The following WNT3A variants were observed in gnomAD, a reference collection of about 807,000 sequenced individuals.
The protein encoded by WNT3A is Wnt family member 3A.
WNT3A carries 17 observed loss-of-function variants against 37.0 expected under a neutral mutation model. That is an observed-to-expected ratio of 0.46 (90% confidence interval 0.31 to 0.69). The LOEUF is 0.69. Among genes scored for constraint, WNT3A ranks in the 30% least tolerant of loss-of-function variants. WNT3A has a pLI of 0.05. For missense variants in WNT3A, 411 were observed against 510.2 expected (o/e 0.81, Z 1.87); for synonymous variants, 187 against 211.0 (o/e 0.89, Z 0.99).
In WNT3A at chr1:228,059,432, C is replaced by A; in HGVS notation, c.1026C>A (p.Cys342Ter). The stretch of plus-strand genomic sequence containing the variant: ...GCTGCTACGTCAGCTGCCAGGAGTG[C>A]ACGCGCGTCTACGACGTGCACACCT... Reference protein sequence around the residue: ...HWCCYVSCQECTRVYDVHTCK With the variant: ...HWCCYVSCQE Residue 342 changes from cysteine to a stop codon, truncating the protein, a stop_gained, in exon 4 of 4, where the codon TGC (cysteine) becomes TGA (stop). Transcript: ENST00000284523. LOFTEE classifies it high-confidence loss of function. 2 of 1,537,028 alleles carry A rather than the reference C, an allele frequency of 1.3e-6. No individual in the cohort carries two copies.
intron 2 of WNT3A, among the ~76,000 whole-genome samples, chr1:228,025,520 T>C (rs2030832359): frequency 6.6e-6 from 1 of 152,100 alleles, no homozygotes; most frequent in Non-Finnish European, 1.5e-5. Context: ...TCCCAGTGTT[T>C]GTATTTTTTG....
chr1:228,018,601 A>G (rs1446910596), intron 1 of WNT3A, among the ~76,000 whole-genome samples: 1 of 152,168 alleles, frequency 6.6e-6, no homozygotes, highest in African/African-American at 2.4e-5. Flanking sequence ...TCTGTTGCCC[A>G]GATTGGTCTT....
At chr1:228,051,897 G>A (rs529126071) in intron 3 of WNT3A, among the ~76,000 whole-genome samples, 13 of 152,216 alleles carry the variant, frequency 8.5e-5, no homozygotes, top group South Asian at 6.2e-4. Flanking sequence ...AGGTCGCCAC[G>A]CACAGATCTT....
chr1:228,050,987 T>C lies in WNT3A; in HGVS notation c.579+66T>C. ...CTCCTCAGCAGGGTGTGTGCCCTGG[T>C]TCCTTGGGGCATATGGCCCGGTGAG... On this transcript the variant is annotated intron_variant, in intron 3 of 3. Coordinates refer to ENST00000284523, the MANE Select transcript of WNT3A (RefSeq NM_033131.4). The surrounding 1 kb of genome is among the most constrained non-coding windows in gnomAD (Gnocchi z 5.0). 1 of 1,457,896 alleles carries C rather than the reference T, an allele frequency of 6.9e-7. No homozygotes were observed. Among genetic ancestry groups the C allele is most frequent in the East Asian group, 2.4e-5 (1 of 41,210 alleles). 90.3% of individuals were successfully genotyped at this position (1,457,896 alleles called of 1,614,324 possible).
At chr1:228,041,092 A>G (rs137944139) in intron 2 of WNT3A, among the ~76,000 whole-genome samples, 4 of 151,610 alleles carry the variant, frequency 2.6e-5, no homozygotes, top group East Asian at 3.9e-4. Context: ...TCTCAACAAA[A>G]TAAAAGCACT....
rs2031318683 is a variant in WNT3A, at chr1:228,042,824, TGATG to T, written c.314-7823_314-7820del. Among the ~76,000 whole-genome samples the T allele has an allele frequency of 6.7e-6, 1 of 150,364 alleles. No individual in the cohort carries two copies. Among genetic ancestry groups the T allele is most frequent in the Non-Finnish European group, 1.5e-5 (1 of 67,558 alleles). On this transcript the variant is annotated intron_variant, in intron 2 of 3. Transcript: ENST00000284523. This position sits in a 1 kb window ranked among gnomAD's most constrained non-coding sequence, Gnocchi z 5.2. ...GGATGATGGATGGATGGATAATGGA[TGATG>T]GATGGATGTGGATGACAGATGATGG... is the stretch of plus-strand genomic sequence containing the variant.
chr1:228,010,073 A>G (rs2030325053), intron 1 of WNT3A, among the ~76,000 whole-genome samples: 1 of 152,182 alleles, frequency 6.6e-6, no homozygotes, highest in Non-Finnish European at 1.5e-5. Context: ...GACGGCAGGA[A>G]CCTAGTGGCC....
intron 1 of WNT3A, among the ~76,000 whole-genome samples, chr1:228,015,817 G>C (rs1369967302): frequency 6.6e-6 from 1 of 151,834 alleles, no homozygotes; most frequent in Non-Finnish European, 1.5e-5. Context: ...TACAAAGCGT[G>C]GGAGAGGTCG....
chr1:228,041,485 C>T (rs1326071426), intron 2 of WNT3A, among the ~76,000 whole-genome samples: 2 of 151,888 alleles, frequency 1.3e-5, no homozygotes, highest in Non-Finnish European at 2.9e-5. Flanking sequence ...GTCAATCTGC[C>T]ATCCATCAAT....
rs1402498504 is a variant in WNT3A at position 228,039,890 on chromosome 1, C to T, written c.314-10766C>T. Among the ~76,000 whole-genome samples the T allele has an allele frequency of 6.6e-6, 1 of 152,200 alleles. No individual in the cohort carries two copies. The highest frequency in any genetic ancestry group is 6.5e-5 in the Admixed American group (1 of 15,292). ...CGCATTTAACAACAATCCCCACCCC[C>T]TGACCCAGAACTTTCCCTCCTTCAA... is the stretch of plus-strand genomic sequence containing the variant. On this transcript the variant is annotated intron_variant, in intron 2 of 3. Coordinates refer to ENST00000284523, the MANE Select transcript of WNT3A (RefSeq NM_033131.4). This position sits in a 1 kb window ranked among gnomAD's most constrained non-coding sequence, Gnocchi z 4.1.
rs1305559872 is a variant in WNT3A at position 228,037,280 on chromosome 1, C to T, written c.314-13376C>T. Among the ~76,000 whole-genome samples the T allele has an allele frequency of 6.6e-6, 1 of 152,122 alleles. No homozygotes were observed. The highest frequency in any genetic ancestry group is 1.5e-5 in the Non-Finnish European group (1 of 68,002). ...CTATTCTGTGAACCCCAGGGTATCC[C>T]CACTCAAAGCACACGGCCAGATTCC... is the stretch of plus-strand genomic sequence containing the variant. On this transcript the variant is annotated intron_variant, in intron 2 of 3. Coordinates refer to ENST00000284523, the MANE Select transcript of WNT3A (RefSeq NM_033131.4). The surrounding 1 kb of genome is among the most constrained non-coding windows in gnomAD (Gnocchi z 4.1).
chr1:228,021,083 T>C (rs1320838848), intron 1 of WNT3A, among the ~76,000 whole-genome samples: 1 of 152,164 alleles, frequency 6.6e-6, no homozygotes. Flanking sequence ...CATGGCTCAA[T>C]TCGTTCTGAC....
intron 1 of WNT3A, among the ~76,000 whole-genome samples, chr1:228,016,125 G>A (rs2030525448): frequency 6.6e-6 from 1 of 152,122 alleles, no homozygotes; most frequent in Non-Finnish European, 1.5e-5. Flanking sequence ...AGAGGGTGGA[G>A]GTAGGTCCCT....
chr1:228,020,430 A>G (rs942179715), intron 1 of WNT3A, among the ~76,000 whole-genome samples: 2 of 152,212 alleles, frequency 1.3e-5, no homozygotes, highest in African/African-American at 4.8e-5. Context: ...TCTCACCCAC[A>G]GTCCAGGTCA....
chr1:228,048,170 T>C (rs559276708), intron 2 of WNT3A, among the ~76,000 whole-genome samples: 1 of 152,322 alleles, frequency 6.6e-6, no homozygotes, highest in Non-Finnish European at 1.5e-5. Context: ...GGGAGGACCC[T>C]GGCTCCAGGA....
At chr1:228,009,304 C>T (rs570674227) in intron 1 of WNT3A, among the ~76,000 whole-genome samples, 1 of 152,282 alleles carries the variant, frequency 6.6e-6, no homozygotes, top group South Asian at 2.1e-4. Context: ...TGAGCAGCAC[C>T]CCGGCAGCAT....
intron 2 of WNT3A, among the ~76,000 whole-genome samples, chr1:228,049,178 G>A (rs369197042): frequency 3.9e-5 from 6 of 152,158 alleles, no homozygotes; most frequent in South Asian, 2.1e-4. Context: ...CAGCTGTACC[G>A]CTGAGCCATG....
intron 2 of WNT3A, among the ~76,000 whole-genome samples, chr1:228,048,804 C>A (rs1325639053): frequency 2.0e-5 from 3 of 152,142 alleles, no homozygotes; most frequent in African/African-American, 7.2e-5. Flanking sequence ...CATACACCCA[C>A]CCCCAAGACA....
chr1:228,028,288 T>G (rs927650177), intron 2 of WNT3A, among the ~76,000 whole-genome samples: 1 of 128,712 alleles, frequency 7.8e-6, no homozygotes, highest in Admixed American at 9.6e-5. Context: ...TTTGGTTACA[T>G]ATAATTTTTT....
Sources: gnomAD v4.1 joint callset for allele counts (sites outside exome capture counted in the v4.1 genomes callset) on GRCh38, gnomAD v4.1.1 for gene constraint, Gnocchi (gnomAD v3.1) non-coding constraint, MANE v1.5 for transcripts, NCBI Gene and HGNC (gene_info 2026-07-23, HGNC 2026-07-21) for gene names.